DCLK1: variants seen among roughly 807,000 people sequenced by gnomAD.
DCLK1 encodes the protein serine/threonine-protein kinase DCLK1.
DCLK1 carries 16 observed loss-of-function variants against 86.2 expected under a neutral mutation model. The observed-to-expected ratio is 0.19, with a 90% confidence interval of 0.13 to 0.28. The LOEUF is 0.28. Ranked by LOEUF, DCLK1 falls within the 10% of genes least tolerant of loss-of-function variation. DCLK1 has a pLI of 1.00. For missense variants in DCLK1, 590 were observed against 940.2 expected (o/e 0.63, Z 4.87); for synonymous variants, 369 against 370.5 (o/e 1.00, Z 0.05).
At chr13:35,962,053 A>G (rs1052425646) in intron 3 of DCLK1, among the ~76,000 whole-genome samples, 1 of 152,214 alleles carries the variant, frequency 6.6e-6, no homozygotes, top group Non-Finnish European at 1.5e-5. Context: ...ATGTACTGTT[A>G]ACAAAAATTT....
Position 35,768,897 on chromosome 13 carries a change from G to A in DCLK1, c.*5638C>T, listed in dbSNP as rs895359080. 6.6e-6 allele frequency: 1 copy of A among 152,228 alleles called. No homozygotes were observed. 9.4% of individuals were successfully genotyped at this position (152,228 alleles called of 1,614,324 possible). ...CCTTCGTGAACTGAATGTGTCAATT[G>A]TGAATTGAACTAAGGTGAAATTTTA... is the stretch of plus-strand genomic sequence containing the variant. On this transcript the variant is annotated 3_prime_UTR_variant, in exon 17 of 17. Coordinates refer to ENST00000360631, the MANE Select transcript of DCLK1 (RefSeq NM_001330071.2).
intron 1 of DCLK1, among the ~76,000 whole-genome samples, chr13:36,129,301 AG>A: frequency 6.6e-6 from 1 of 152,372 alleles, no homozygotes; most frequent in Admixed American, 6.5e-5. Flanking sequence ...AGATGAAAAA[AG>A]AAGAAAAGAA....
chr13:35,788,755 T>C (rs1203960632), intron 16 of DCLK1, among the ~76,000 whole-genome samples: 1 of 152,156 alleles, frequency 6.6e-6, no homozygotes, highest in African/African-American at 2.4e-5. Context: ...CCTCATCAAT[T>C]ACAGCATTTA....
At chr13:35,996,301 T>C (rs747923811) in intron 3 of DCLK1, among the ~76,000 whole-genome samples, 3 of 152,216 alleles carry the variant, frequency 2.0e-5, no homozygotes. Flanking sequence ...CCCGTCTTCA[T>C]CATTCGCTTC....
In DCLK1 at chr13:35,846,130, T is replaced by G. The variant is rs1163717469; in HGVS notation, c.1036-6954A>C. On this transcript the variant is annotated intron_variant, in intron 6 of 16. Coordinates refer to ENST00000360631, the MANE Select transcript of DCLK1 (RefSeq NM_001330071.2). Reference sequence around the variant, plus strand: ...ACTTAGTTGATGGATTTAAAAAATATATTGCTGTGTCAAATGTTTTAACAC... The same window carrying G: ...ACTTAGTTGATGGATTTAAAAAATAGATTGCTGTGTCAAATGTTTTAACAC... 3.0e-6 allele frequency: 3 copies of G among 985,188 alleles called. No individual in the cohort carries two copies. The East Asian group carries it at 3.4e-4, about 112-fold the overall frequency. 61.0% of individuals were successfully genotyped at this position (985,188 alleles called of 1,614,324 possible).
At chr13:35,817,375 T>A (rs898001490) in intron 11 of DCLK1, among the ~76,000 whole-genome samples, 23 of 151,994 alleles carry the variant, frequency 1.5e-4, no homozygotes, top group African/African-American at 5.1e-4. Flanking sequence ...GAGAGTAGAA[T>A]TTTTTTTCTA....
rs776384268 is a variant in DCLK1 at position 35,808,241 on chromosome 13, C to T, written c.1846G>A (p.Val616Ile). The stretch of plus-strand genomic sequence containing the variant: ...ACACCTACCTTTGCAGAATCGGAAA[C>T]ATTATCCCAGTATGGAGAAGGAAAG... The part of the protein sequence containing the change: ...VDFPSPYWDN[V>I]SDSAKELITM... Residue 616 changes from valine to isoleucine, a missense_variant, in exon 14 of 17, where the codon GTT becomes ATT. Physicochemically the swap from Val to Ile is conservative, Grantham distance 29. Transcript: ENST00000360631. The T allele has an allele frequency of 1.2e-6, 2 of 1,613,906 alleles. No individual in the cohort carries two copies. Among genetic ancestry groups the T allele is most frequent in the Admixed American group, 1.7e-5 (1 of 59,988 alleles).
intron 3 of DCLK1, among the ~76,000 whole-genome samples, chr13:36,033,362 A>G (rs763270458): frequency 1.3e-4 from 20 of 152,228 alleles, no homozygotes; most frequent in Non-Finnish European, 2.9e-4. Context: ...TAAAGTAGTG[A>G]TAATACTTTC....
intron 3 of DCLK1, among the ~76,000 whole-genome samples, chr13:36,032,733 C>T (rs948678326): frequency 5.3e-5 from 8 of 152,170 alleles, no homozygotes; most frequent in African/African-American, 1.9e-4. Context: ...GCCCCGGGAG[C>T]GGCCGTCGAT....
intron 10 of DCLK1, among the ~76,000 whole-genome samples, chr13:35,823,355 GCACACACA>G (rs34702154): frequency 3.4e-5 from 5 of 147,762 alleles, no homozygotes; most frequent in South Asian, 2.2e-4. Flanking sequence ...TTATTAGGAT[GCACACACA>G]CACACACACA....
chr13:35,857,778 G>C (rs905497494), intron 5 of DCLK1, among the ~76,000 whole-genome samples: 8 of 152,210 alleles, frequency 5.3e-5, no homozygotes, highest in African/African-American at 1.9e-4. Context: ...TGAAGCAAGG[G>C]GGGCACAATG....
chr13:36,129,249 T>A (rs1048304439), intron 1 of DCLK1, among the ~76,000 whole-genome samples: 2 of 152,166 alleles, frequency 1.3e-5, no homozygotes, highest in Admixed American at 6.5e-5. Context: ...TAGTTAGAAT[T>A]CCCTGGGGGA....
chr13:36,078,376 G>A (rs1884290122), intron 3 of DCLK1, among the ~76,000 whole-genome samples: 1 of 152,080 alleles, frequency 6.6e-6, no homozygotes. Context: ...CTAAAATGTG[G>A]CTCTAGATAA....
intron 3 of DCLK1, among the ~76,000 whole-genome samples, chr13:36,108,313 A>T (rs1296771216): frequency 6.6e-6 from 1 of 152,254 alleles, no homozygotes; most frequent in Non-Finnish European, 1.5e-5. Context: ...CACAACGGTC[A>T]TCTTGGCCAA....
At chr13:36,123,877 C>T (rs1039037267) in intron 2 of DCLK1, among the ~76,000 whole-genome samples, 12 of 152,164 alleles carry the variant, frequency 7.9e-5, no homozygotes, top group Non-Finnish European at 8.8e-5. Flanking sequence ...GACAAGCATG[C>T]CATAATTTTG....
intron 3 of DCLK1, among the ~76,000 whole-genome samples, chr13:35,982,433 GGGGAGGGAGGGAGGGA>G (rs1168814239): frequency 1.1e-3 from 24 of 21,708 alleles, no homozygotes; most frequent in African/African-American, 3.3e-3. Context: ...AGAGAGAGAG[GGGGAGGGAGGGAGGGA>G]GGGAGGGAGG....
chr13:36,125,007 A>G (rs766059780), intron 2 of DCLK1, among the ~76,000 whole-genome samples: 16 of 152,172 alleles, frequency 1.1e-4, no homozygotes, highest in Non-Finnish European at 2.4e-4. Flanking sequence ...TGTAGCCCAG[A>G]GTCGGTGACC....
intron 3 of DCLK1, among the ~76,000 whole-genome samples, chr13:35,958,214 C>T (rs1173923282): frequency 3.4e-5 from 5 of 148,790 alleles, no homozygotes; most frequent in East Asian, 2.0e-4. Context: ...TTATAACCAT[C>T]ACCACCACCA....
intron 14 of DCLK1, among the ~76,000 whole-genome samples, chr13:35,807,151 A>G (rs9601372): frequency 5.7e-4 from 87 of 152,380 alleles, no homozygotes; most frequent in African/African-American, 2.1e-3. Flanking sequence ...TTTTCTCCTC[A>G]AGGTCTACAA....
Sources: gnomAD v4.1 joint callset for allele counts (sites outside exome capture counted in the v4.1 genomes callset) on GRCh38, gnomAD v4.1.1 for gene constraint, MANE v1.5 for transcripts, NCBI Gene and HGNC (gene_info 2026-07-23, HGNC 2026-07-21) for gene names.